Variants in NBAS observed in about 807,000 individuals in gnomAD.
NBAS encodes NBAS subunit of NRZ tethering complex.
In NBAS, 219 loss-of-function variants were observed where a neutral mutation model predicts 302.5. The observed-to-expected ratio is 0.72, with a 90% confidence interval of 0.65 to 0.81. The LOEUF (loss-of-function observed/expected upper bound fraction) is 0.81, where lower values mean the gene tolerates loss of function less well. Among genes scored for constraint, NBAS ranks in the 30% least tolerant of loss-of-function variants. The pLI, the probability that NBAS is intolerant of heterozygous loss-of-function variation, is 0.00. For synonymous variants in NBAS, 1,118 were observed against 1,021.6 expected, an observed-to-expected ratio of 1.09 and a Z score of -1.80; for missense variants, 2,932 against 2,841.6, an observed-to-expected ratio of 1.03 and a Z score of -0.72.
In NBAS at chr2:15,449,725, G is replaced by A. The variant is rs570846444; in HGVS notation, c.2339+11476C>T. 1.5e-4 allele frequency among the ~76,000 whole-genome samples: 23 copies of A among 152,258 alleles called. No homozygotes were observed. In the South Asian group the frequency reaches 4.8e-3, roughly 32 times the overall value. On this transcript the variant is annotated intron_variant, in intron 21 of 51. Transcript: ENST00000281513. Reference sequence around the variant, plus strand: ...TGTTCCCAGCCAATAGAGGCTGTTAGGCCTTTCTTAGCTGATACAACCACA... The same window carrying A: ...TGTTCCCAGCCAATAGAGGCTGTTAAGCCTTTCTTAGCTGATACAACCACA...
chr2:15,411,366 C>T (rs1039608782), intron 25 of NBAS, among the ~76,000 whole-genome samples: 1 of 152,198 alleles, frequency 6.6e-6, no homozygotes, highest in Non-Finnish European at 1.5e-5. Flanking sequence ...CCTCTCTTCA[C>T]TTTTGCCTGG....
At chr2:15,355,121 A>T (rs1404184355) in intron 33 of NBAS, among the ~76,000 whole-genome samples, 1 of 152,228 alleles carries the variant, frequency 6.6e-6, no homozygotes, top group East Asian at 1.9e-4. Context: ...TTTCTTTAAC[A>T]GTACACATGT....
At chr2:15,281,918 T>C (rs938917066) in intron 42 of NBAS, among the ~76,000 whole-genome samples, 1 of 152,224 alleles carries the variant, frequency 6.6e-6, no homozygotes, top group Non-Finnish European at 1.5e-5. Flanking sequence ...ACTTTCATAA[T>C]GGCAGTAATC....
the NBAS span, among the ~76,000 whole-genome samples, chr2:15,032,907 T>C: frequency 1.3e-5 from 2 of 152,246 alleles, no homozygotes; most frequent in African/African-American, 4.8e-5. Context: ...TAAAGGCAGT[T>C]CAGAGATCAT....
chr2:14,901,084 C>T, the NBAS span, among the ~76,000 whole-genome samples: 2 of 152,152 alleles, frequency 1.3e-5, no homozygotes, highest in South Asian at 4.1e-4. Flanking sequence ...GGTTTAAGCA[C>T]AGGCACAGCT....
chr2:15,030,954 AG>A, the NBAS span, among the ~76,000 whole-genome samples: 1 of 152,216 alleles, frequency 6.6e-6, no homozygotes. Flanking sequence ...GTGTGATGTC[AG>A]GGTCCTAGGA....
chr2:15,475,405 C>T (rs12053068), intron 14 of NBAS, among the ~76,000 whole-genome samples: 2 of 151,996 alleles, frequency 1.3e-5, no homozygotes, highest in Admixed American at 1.3e-4. Flanking sequence ...TGATACCATT[C>T]TACATTTTTA....
chr2:15,525,618 G>C (rs1662880779), intron 9 of NBAS, among the ~76,000 whole-genome samples: 1 of 152,166 alleles, frequency 6.6e-6, no homozygotes, highest in African/African-American at 2.4e-5. Flanking sequence ...ATTTGAACAT[G>C]AGTGGCTTTT....
At chr2:15,488,840 T>A (rs1238000424) in intron 12 of NBAS, 54 bp downstream of exon 12, 3 of 1,603,516 alleles carry the variant, frequency 1.9e-6, no homozygotes, top group Non-Finnish European at 2.6e-6. Flanking sequence ...ATAAAATTAG[T>A]ATTGTCAATA....
chr2:15,012,501 A>G, the NBAS span, among the ~76,000 whole-genome samples: 11 of 152,226 alleles, frequency 7.2e-5, no homozygotes, highest in Non-Finnish European at 1.5e-4. Context: ...AATGACAGCT[A>G]AAAACATTCT....
In NBAS at chr2:15,539,224, G is replaced by T; in HGVS notation, c.512C>A (p.Pro171Gln). The stretch of plus-strand genomic sequence containing the variant: ...TTTCAATTTAAGCTATGTACATACC[G>T]GGGAAATGACAAAGAGTTCACTTCC... ...LMGSELFVIS[P>Q]ASSFIGDLSY... The change falls in exon 7 of 52, where the codon CCG (proline) becomes CAG (glutamine). Residue 171 changes from proline (P) to glutamine (Q), a missense_variant and splice_region_variant. By Grantham distance (76) the Pro-to-Gln change is moderately conservative. Transcript: ENST00000281513. 1.2e-6 allele frequency: 2 copies of T among 1,613,986 alleles called. No individual in the cohort carries two copies. The highest frequency in any genetic ancestry group is 1.7e-6 in the Non-Finnish European group (2 of 1,179,984).
At chr2:15,320,862 A>G (rs1345736387) in intron 38 of NBAS, among the ~76,000 whole-genome samples, 2 of 152,188 alleles carry the variant, frequency 1.3e-5, no homozygotes, top group Non-Finnish European at 2.9e-5. Flanking sequence ...TCAAGCTACC[A>G]ATGACTTTCT....
At chr2:15,463,815 A>C (rs1048174471) in intron 19 of NBAS, among the ~76,000 whole-genome samples, 2 of 143,760 alleles carry the variant, frequency 1.4e-5, no homozygotes, top group Non-Finnish European at 3.1e-5. Flanking sequence ...AGCACCAGGA[A>C]AATCTGAAGA....
the NBAS span, among the ~76,000 whole-genome samples, chr2:15,021,963 G>A: frequency 6.6e-6 from 1 of 152,182 alleles, no homozygotes; most frequent in Non-Finnish European, 1.5e-5. Flanking sequence ...GTAGGCAGAA[G>A]GCAGAAGGAA....
Position 15,275,687 on chromosome 2 carries a change from G to C in NBAS, c.5521C>G (p.Leu1841Val). ...PKIPEKDGQM[L>V]SPSSLYTIWL... ...ATGGTGTACAGAGAGCTTGGGGAAA[G>C]CATCTGTCCATCCTTTTCAGGGATT... is the stretch of plus-strand genomic sequence containing the variant. The change falls in exon 44 of 52, where the codon CTT becomes GTT. Residue 1841 changes from leucine (L) to valine (V), a missense_variant. Transcript: ENST00000281513. 1 of 1,614,198 alleles carries C rather than the reference G, an allele frequency of 6.2e-7. No individual in the cohort carries two copies. Among genetic ancestry groups the C allele is most frequent in the Admixed American group, 1.7e-5 (1 of 60,026 alleles).
intron 10 of NBAS, among the ~76,000 whole-genome samples, chr2:15,510,723 A>G (rs185463755): frequency 3.3e-5 from 5 of 152,316 alleles, no homozygotes; most frequent in African/African-American, 1.2e-4. Flanking sequence ...GTAAATATGG[A>G]ACAACATGGA....
chr2:15,121,374 C>T, the NBAS span, among the ~76,000 whole-genome samples: 5 of 152,168 alleles, frequency 3.3e-5, no homozygotes, highest in African/African-American at 1.2e-4. Context: ...CCTGCTCAGA[C>T]AAGCCATGGT....
At chr2:15,147,457 C>G in the NBAS span, among the ~76,000 whole-genome samples, 82,339 of 151,788 alleles carry the variant, frequency 0.54, 25,685 homozygotes, top group African/African-American at 0.85. Context: ...GCCTGGTGTG[C>G]TGGCGCATGC....
chr2:15,277,246 T>A, intron 42 of NBAS, 145 bp from the exon 43 acceptor site: 3 of 1,011,308 alleles, frequency 3.0e-6, no homozygotes, highest in South Asian at 3.3e-5. Flanking sequence ...CAGAAGCCAG[T>A]CAGCCTGAAT....
Sources: allele counts gnomAD v4.1 joint callset (sites outside exome capture counted in the v4.1 genomes callset), GRCh38; gene constraint gnomAD v4.1.1; transcripts MANE v1.5; gene names NCBI Gene and HGNC (gene_info 2026-07-23, HGNC 2026-07-21).